Variants in GRIA1 observed in about 807,000 individuals in gnomAD.
The protein encoded by GRIA1 is glutamate receptor 1.
In GRIA1, 31 loss-of-function variants were observed where a neutral mutation model predicts 99.2. That is an observed-to-expected ratio of 0.31 (90% CI 0.23 to 0.42). GRIA1 has a LOEUF of 0.42. Among genes scored for constraint, GRIA1 ranks in the 10% least tolerant of loss-of-function variants. GRIA1 has a pLI of 1.00. For missense variants in GRIA1, 782 were observed against 1,157.5 expected (o/e 0.68, Z 4.71); for synonymous variants, 438 against 432.4 (o/e 1.01, Z -0.16).
chr5:153,770,476 G>A lies in GRIA1; in HGVS notation c.2270+61G>A, dbSNP rs548440253. 2.6e-6 allele frequency: 4 copies of A among 1,517,846 alleles called. No homozygotes were observed. The South Asian group carries it at 4.8e-5, about 18-fold the overall frequency. 94.0% of individuals were successfully genotyped at this position (1,517,846 alleles called of 1,614,324 possible). On this transcript the variant is annotated intron_variant, in intron 13 of 15. Coordinates refer to ENST00000285900, the MANE Select transcript of GRIA1 (RefSeq NM_000827.4). ...CTCCCCTCCCTATCTCAGGAATGAAGCTTCTGTGTCTGCTACAAGCCTCCA... is the reference window on the plus strand; with the variant it reads ...CTCCCCTCCCTATCTCAGGAATGAAACTTCTGTGTCTGCTACAAGCCTCCA...
rs140325641 is a variant in GRIA1, at chr5:153,537,829, G to A, written c.220+43764G>A. On this transcript the variant is annotated intron_variant, in intron 2 of 15. Transcript: ENST00000285900. ...GGTTGATAAAAATCAATCAAAACAT[G>A]AGATGTGGTTTTTTGTTTGTTTTTA... is the stretch of plus-strand genomic sequence containing the variant. 3.2e-3 allele frequency among the ~76,000 whole-genome samples: 484 copies of A among 152,288 alleles called. 2 individuals are homozygous for A. Among genetic ancestry groups the A allele is most frequent in the Admixed American group, 6.8e-3 (104 of 15,296 alleles).
intron 11 of GRIA1, among the ~76,000 whole-genome samples, chr5:153,740,966 CTTTTTT>C (rs10601141): frequency 1.0e-4 from 8 of 76,782 alleles, no homozygotes; most frequent in Admixed American, 1.9e-4. Flanking sequence ...AAGAAATTGG[CTTTTTT>C]TTTTTTTTTT....
intron 4 of GRIA1, among the ~76,000 whole-genome samples, chr5:153,654,521 A>C (rs971776844): frequency 6.6e-6 from 1 of 152,190 alleles, no homozygotes; most frequent in African/African-American, 2.4e-5. Flanking sequence ...GTAACGAAGA[A>C]TTATTAATAA....
rs376904338 is a variant in GRIA1 at position 153,661,662 on chromosome 5, C to CAATG, written c.699+5814_699+5817dup. Among the ~76,000 whole-genome samples, 295 of 151,910 alleles carry CAATG rather than the reference C, an allele frequency of 1.9e-3. 2 individuals are homozygous for CAATG. The highest frequency in any genetic ancestry group is 7.3e-3 in the Admixed American group (111 of 15,262). Reference sequence around the variant, plus strand: ...ACATAACAGGTGTGCTTTAAAAAGTCAATGAATGAATGAATGAATGAATGA... The same window carrying CAATG: ...ACATAACAGGTGTGCTTTAAAAAGTCAATGAATGAATGAATGAATGAATGAATGA... On this transcript the variant is annotated intron_variant, in intron 5 of 15. Transcript: ENST00000285900.
chr5:153,493,315 G>A (rs1754096527), intron 1 of GRIA1, among the ~76,000 whole-genome samples: 1 of 152,204 alleles, frequency 6.6e-6, no homozygotes, highest in Admixed American at 6.5e-5. Flanking sequence ...ATTGTTTGCA[G>A]AAAAGCAAGA....
intron 12 of GRIA1, among the ~76,000 whole-genome samples, chr5:153,765,844 T>C (rs1238057709): frequency 6.6e-6 from 1 of 152,240 alleles, no homozygotes; most frequent in Admixed American, 6.5e-5. Flanking sequence ...CCCTATTTTA[T>C]AGCTCAGAGT....
At chr5:153,727,828 A>G (rs1317711902) in intron 11 of GRIA1, among the ~76,000 whole-genome samples, 1 of 152,046 alleles carries the variant, frequency 6.6e-6, no homozygotes, top group Non-Finnish European at 1.5e-5. Flanking sequence ...TTATAGATTC[A>G]ATGCCATCCC....
chr5:153,708,583 T>C (rs995012759), intron 11 of GRIA1, among the ~76,000 whole-genome samples: 2 of 152,248 alleles, frequency 1.3e-5, no homozygotes, highest in Non-Finnish European at 2.9e-5. Context: ...ATAGATCCTA[T>C]AACACAGTAC....
chr5:153,635,617 T>C lies in GRIA1; in HGVS notation c.221-11311T>C, dbSNP rs552456823. Among the ~76,000 whole-genome samples, 43 of 152,270 alleles carry C rather than the reference T, an allele frequency of 2.8e-4. No homozygotes were observed. The Middle Eastern group carries it at 0.01, about 36-fold the overall frequency. On this transcript the variant is annotated intron_variant, in intron 2 of 15. Coordinates refer to ENST00000285900, the MANE Select transcript of GRIA1 (RefSeq NM_000827.4). ...CCTGAACCTAACCCAAGAATGAGAC[T>C]TGTTGACCCAAGGCTCAGACCCCAA...
intron 3 of GRIA1, among the ~76,000 whole-genome samples, chr5:153,647,608 T>A (rs539327262): frequency 7.2e-5 from 11 of 152,328 alleles, no homozygotes. Context: ...ACAATGTCTA[T>A]CTTATAAAGG....
At chr5:153,566,558 G>A (rs140660437) in intron 2 of GRIA1, among the ~76,000 whole-genome samples, 6,576 of 150,760 alleles carry the variant, frequency 0.044, 204 homozygotes, top group Non-Finnish European at 0.069. Context: ...TGCCTGCCTC[G>A]ACCTCCCAAA....
chr5:153,705,266 G>A (rs1758806615), intron 10 of GRIA1, among the ~76,000 whole-genome samples: 1 of 152,202 alleles, frequency 6.6e-6, no homozygotes, highest in African/African-American at 2.4e-5. Flanking sequence ...CCAGGGTAGT[G>A]GGGTACATGG....
At chr5:153,735,382 A>G (rs1457756459) in intron 11 of GRIA1, among the ~76,000 whole-genome samples, 3 of 152,196 alleles carry the variant, frequency 2.0e-5, no homozygotes, top group Non-Finnish European at 2.9e-5. Flanking sequence ...TGAGAGAGTC[A>G]TGATCAACTG....
chr5:153,531,434 C>T (rs1758091839), intron 2 of GRIA1, among the ~76,000 whole-genome samples: 1 of 152,160 alleles, frequency 6.6e-6, no homozygotes. Flanking sequence ...TCTCCAAGGC[C>T]AAGTCTGTGT....
At chr5:153,516,239 A>G (rs952880620) in intron 2 of GRIA1, among the ~76,000 whole-genome samples, 1 of 151,822 alleles carries the variant, frequency 6.6e-6, no homozygotes, top group African/African-American at 2.4e-5. Context: ...AAAATAAGAA[A>G]TCTACCATAT....
At chr5:153,764,919 CCT>C (rs1763414625) in intron 12 of GRIA1, among the ~76,000 whole-genome samples, 1 of 152,156 alleles carries the variant, frequency 6.6e-6, no homozygotes, top group African/African-American at 2.4e-5. Context: ...AATACAATTT[CCT>C]CTCTGTTATC....
At chr5:153,779,688 G>A (rs756083976) in intron 13 of GRIA1, among the ~76,000 whole-genome samples, 2 of 152,052 alleles carry the variant, frequency 1.3e-5, no homozygotes, top group Non-Finnish European at 2.9e-5. Context: ...TCAGCCTCCC[G>A]AGTAGCTGGG....
At chr5:153,726,248 G>A (rs1468688641) in intron 11 of GRIA1, among the ~76,000 whole-genome samples, 1 of 149,246 alleles carries the variant, frequency 6.7e-6, no homozygotes, top group African/African-American at 2.5e-5. Flanking sequence ...GCAGTGTGTA[G>A]AGGGAAATTT....
intron 11 of GRIA1, among the ~76,000 whole-genome samples, chr5:153,736,582 G>A (rs1238085518): frequency 6.6e-6 from 1 of 152,186 alleles, no homozygotes; most frequent in African/African-American, 2.4e-5. Flanking sequence ...TTTGGGGGTA[G>A]CTGAACCCAG....
Sources: allele counts gnomAD v4.1 joint callset (sites outside exome capture counted in the v4.1 genomes callset), GRCh38; gene constraint gnomAD v4.1.1; transcripts MANE v1.5; gene names NCBI Gene and HGNC (gene_info 2026-07-23, HGNC 2026-07-21).